Variants in NKAIN2 observed in about 807,000 individuals in gnomAD.
NKAIN2 encodes the protein sodium/potassium transporting ATPase interacting 2.
A neutral mutation model predicts 32.6 loss-of-function variants in NKAIN2; 14 were observed. The observed-to-expected ratio is 0.43, with a 90% CI of 0.28 to 0.67. The LOEUF (loss-of-function observed/expected upper bound fraction) is 0.67. Ranked by LOEUF, NKAIN2 falls within the 30% of genes least tolerant of loss-of-function variation. NKAIN2 has a pLI of 0.17. For missense variants in NKAIN2, 198 were observed against 258.3 expected (o/e 0.77, Z 1.60); for synonymous variants, 80 against 87.2 (o/e 0.92, Z 0.46).
intron 1 of NKAIN2, among the ~76,000 whole-genome samples, chr6:123,809,136 A>G (rs912474244): frequency 5.9e-5 from 9 of 152,178 alleles, no homozygotes; most frequent in Admixed American, 1.3e-4. Flanking sequence ...ATTGCTATTA[A>G]TGGAAATTAC....
At chr6:124,669,946 A>C (rs1773015587) in intron 4 of NKAIN2, among the ~76,000 whole-genome samples, 1 of 152,002 alleles carries the variant, frequency 6.6e-6, no homozygotes. Flanking sequence ...CATCACTGTC[A>C]GGATAAATAT....
intron 4 of NKAIN2, among the ~76,000 whole-genome samples, chr6:124,765,336 C>A (rs1026421383): frequency 6.6e-6 from 1 of 152,188 alleles, no homozygotes; most frequent in East Asian, 1.9e-4. Context: ...ATATTTAAAG[C>A]CTCCCTTAGT....
intron 3 of NKAIN2, among the ~76,000 whole-genome samples, chr6:124,396,097 C>G (rs958183805): frequency 6.6e-6 from 1 of 151,894 alleles, no homozygotes; most frequent in Non-Finnish European, 1.5e-5. Flanking sequence ...TGCCCTCAGT[C>G]CAGGGAGAAG....
At chr6:123,996,809 TACTC>T (rs1454052198) in intron 1 of NKAIN2, among the ~76,000 whole-genome samples, 1 of 152,198 alleles carries the variant, frequency 6.6e-6, no homozygotes. Flanking sequence ...GAAGAAAACT[TACTC>T]TAAGGGACAC....
chr6:123,830,183 A>G (rs1408743436), intron 1 of NKAIN2, among the ~76,000 whole-genome samples: 1 of 152,146 alleles, frequency 6.6e-6, no homozygotes, highest in African/African-American at 2.4e-5. Flanking sequence ...TAACACTGCC[A>G]TCCTCCTTGC....
chr6:123,961,792 T>C (rs1777864758), intron 1 of NKAIN2, among the ~76,000 whole-genome samples: 1 of 152,194 alleles, frequency 6.6e-6, no homozygotes, highest in Admixed American at 6.5e-5. Context: ...TAATGTTAAT[T>C]TGAGCACCAT....
At chr6:124,351,031 C>T (rs186425710) in intron 2 of NKAIN2, among the ~76,000 whole-genome samples, 170 of 152,196 alleles carry the variant, frequency 1.1e-3, no homozygotes, top group Non-Finnish European at 2.0e-3. Context: ...AAAAAAGTAA[C>T]TCATAAAACA....
At chr6:124,503,187 A>G (rs1197148264) in intron 3 of NKAIN2, among the ~76,000 whole-genome samples, 1 of 152,100 alleles carries the variant, frequency 6.6e-6, no homozygotes, top group African/African-American at 2.4e-5. Context: ...GGCATTTAAT[A>G]AATTATAACT....
intron 3 of NKAIN2, among the ~76,000 whole-genome samples, chr6:124,626,672 A>G (rs960353324): frequency 6.6e-6 from 1 of 152,176 alleles, no homozygotes; most frequent in Non-Finnish European, 1.5e-5. Flanking sequence ...TGTGAAATGC[A>G]GTATTTTAAA....
intron 4 of NKAIN2, among the ~76,000 whole-genome samples, chr6:124,752,661 G>A (rs1044926398): frequency 6.6e-6 from 1 of 151,942 alleles, no homozygotes; most frequent in African/African-American, 2.4e-5. Context: ...TTTGTAACCA[G>A]GTAACTTGGC....
chr6:123,972,930 A>G lies in NKAIN2; in HGVS notation c.54+168676A>G, dbSNP rs1365505897. Among the ~76,000 whole-genome samples the G allele has an allele frequency of 2.0e-5, 3 of 152,240 alleles. No individual in the cohort carries two copies. In the East Asian group the frequency reaches 5.8e-4, roughly 29 times the overall value. On this transcript the variant is annotated intron_variant, in intron 1 of 6. Transcript: ENST00000368417. ...GCCTGATACATAGTAAAAACACCAT[A>G]TCCATAAAATTAATATAATCAAATA...
chr6:124,741,627 A>G (rs958542587), intron 4 of NKAIN2, among the ~76,000 whole-genome samples: 2 of 151,838 alleles, frequency 1.3e-5, no homozygotes, highest in Non-Finnish European at 2.9e-5. Context: ...CTTCCACTTA[A>G]CCTCAGGGCA....
intron 5 of NKAIN2, among the ~76,000 whole-genome samples, chr6:124,800,382 G>A (rs531674512): frequency 6.6e-6 from 1 of 152,306 alleles, no homozygotes; most frequent in East Asian, 1.9e-4. Flanking sequence ...GGAAATAAGT[G>A]AGCTGGAGGC....
chr6:124,061,298 A>G (rs1307355692), intron 1 of NKAIN2, among the ~76,000 whole-genome samples: 3 of 152,140 alleles, frequency 2.0e-5, no homozygotes, highest in African/African-American at 7.2e-5. Flanking sequence ...GTTTTTAATG[A>G]TTGACTCCTA....
intron 2 of NKAIN2, among the ~76,000 whole-genome samples, chr6:124,353,016 C>G (rs1360058812): frequency 6.6e-6 from 1 of 152,166 alleles, no homozygotes. Flanking sequence ...TACATAAACT[C>G]TTCACGTAGA....
intron 2 of NKAIN2, among the ~76,000 whole-genome samples, chr6:124,343,707 G>A (rs1393105230): frequency 6.7e-6 from 1 of 149,440 alleles, no homozygotes; most frequent in East Asian, 2.0e-4. Context: ...ATTTGTTTGA[G>A]TTCATTGTAG....
chr6:124,729,687 T>C (rs1307476949), intron 4 of NKAIN2, among the ~76,000 whole-genome samples: 4 of 150,502 alleles, frequency 2.7e-5, no homozygotes, highest in South Asian at 2.1e-4. Context: ...CTATTCAACA[T>C]AGTGTTGGAA....
At chr6:124,389,748 T>TGG (rs1429054339) in intron 3 of NKAIN2, among the ~76,000 whole-genome samples, 5 of 121,236 alleles carry the variant, frequency 4.1e-5, no homozygotes, top group Non-Finnish European at 8.0e-5. Flanking sequence ...TGTGTGTGTG[T>TGG]GTGGGTTTGA....
chr6:124,036,766 G>T (rs865833730), intron 1 of NKAIN2, among the ~76,000 whole-genome samples: 25 of 152,026 alleles, frequency 1.6e-4, no homozygotes, highest in African/African-American at 6.0e-4. Context: ...TTCTACTTCA[G>T]AAGTGTGTAT....
Sources: gnomAD v4.1 joint callset for allele counts (sites outside exome capture counted in the v4.1 genomes callset) on GRCh38, gnomAD v4.1.1 for gene constraint, MANE v1.5 for transcripts, NCBI Gene and HGNC (gene_info 2026-07-23, HGNC 2026-07-21) for gene names.